KDM4C: variants seen among roughly 807,000 people sequenced by gnomAD.
KDM4C encodes lysine demethylase 4C, also known as lysine-specific demethylase 4C.
A neutral mutation model predicts 129.3 loss-of-function variants in KDM4C; 81 were observed. The ratio of observed to expected loss-of-function variants is 0.63; its 90% CI spans 0.52 to 0.75. The LOEUF is 0.75. Ranked by LOEUF, KDM4C falls within the 30% of genes least tolerant of loss-of-function variation. KDM4C has a pLI of 0.00. For synonymous variants in KDM4C, 573 were observed against 456.1 expected (o/e 1.26, Z -3.26); for missense variants, 1,457 against 1,304.0 (o/e 1.12, Z -1.81).
At chr9:6,821,108 T>G (rs1256690586) in intron 4 of KDM4C, among the ~76,000 whole-genome samples, 1 of 152,206 alleles carries the variant, frequency 6.6e-6, no homozygotes, top group Non-Finnish European at 1.5e-5. Flanking sequence ...ATTTTCTTAA[T>G]CCAGTCTATC....
chr9:6,959,256 G>A (rs1462206414), intron 8 of KDM4C, among the ~76,000 whole-genome samples: 1 of 152,218 alleles, frequency 6.6e-6, no homozygotes, highest in African/African-American at 2.4e-5. Flanking sequence ...GTCCCACCAT[G>A]TAGTCCCAGA....
chr9:7,006,437 G>T (rs994373961), intron 12 of KDM4C, among the ~76,000 whole-genome samples: 1 of 152,096 alleles, frequency 6.6e-6, no homozygotes, highest in Non-Finnish European at 1.5e-5. Flanking sequence ...CAGAAATCTA[G>T]CTATCCCTTT....
At chr9:7,011,269 T>TGTTA (rs1822639560) in intron 12 of KDM4C, among the ~76,000 whole-genome samples, 1 of 152,220 alleles carries the variant, frequency 6.6e-6, no homozygotes, top group African/African-American at 2.4e-5. Context: ...CCATGTACTA[T>TGTTA]GTTAGATGAA....
At chr9:7,129,746 G>T (rs905850648) in intron 19 of KDM4C, among the ~76,000 whole-genome samples, 2 of 152,092 alleles carry the variant, frequency 1.3e-5, no homozygotes, top group African/African-American at 4.8e-5. Context: ...ACCTGTTGGG[G>T]CTGGAAGAAT....
At chr9:6,827,547 G>A (rs1296572405) in intron 4 of KDM4C, among the ~76,000 whole-genome samples, 8 of 152,212 alleles carry the variant, frequency 5.3e-5, no homozygotes, top group Admixed American at 5.2e-4. Context: ...CCAGCAGATG[G>A]TGCTCTTGGA....
At chr9:6,806,502 T>A (rs377442472) in intron 3 of KDM4C, among the ~76,000 whole-genome samples, 1 of 113,530 alleles carries the variant, frequency 8.8e-6, no homozygotes, top group Admixed American at 8.1e-5. Context: ...CTCGAAAAAA[T>A]AAATAAATAA....
rs935434572 is a variant in KDM4C at position 7,080,493 on chromosome 9, A to G, written c.2425-23192A>G. 6.8e-4 allele frequency among the ~76,000 whole-genome samples: 104 copies of G among 152,208 alleles called. 1 individual carries two copies. The highest frequency in any genetic ancestry group is 2.5e-4 in the Non-Finnish European group (17 of 68,040). On this transcript the variant is annotated intron_variant, in intron 17 of 21. Transcript: ENST00000381309. ...CTGTTGATTGTTTCTCTTAGAATTC[A>G]GAAGTGAAATGCTTGATATGGGAAT...
intron 1 of KDM4C, among the ~76,000 whole-genome samples, chr9:6,791,485 C>G (rs1446911998): frequency 2.0e-5 from 3 of 152,182 alleles, no homozygotes; most frequent in Non-Finnish European, 4.4e-5. Flanking sequence ...CCCTTTCTGT[C>G]TCCATCGTCA....
chr9:7,026,073 G>A (rs1825763349), intron 15 of KDM4C, among the ~76,000 whole-genome samples: 1 of 151,978 alleles, frequency 6.6e-6, no homozygotes, highest in African/African-American at 2.4e-5. Flanking sequence ...GGGTGTTGTG[G>A]CGAGCACCTG....
chr9:6,839,454 G>A (rs991395095), intron 4 of KDM4C, among the ~76,000 whole-genome samples: 8 of 144,908 alleles, frequency 5.5e-5, no homozygotes, highest in African/African-American at 2.1e-4. Context: ...TACCCAGGCT[G>A]GTTTTAAAGT....
At chr9:7,042,650 A>C (rs1828783919) in intron 15 of KDM4C, among the ~76,000 whole-genome samples, 1 of 152,074 alleles carries the variant, frequency 6.6e-6, no homozygotes, top group African/African-American at 2.4e-5. Context: ...GTTTAAGTAC[A>C]TACAGGAACT....
intron 1 of KDM4C, among the ~76,000 whole-genome samples, chr9:6,744,109 G>T (rs1210313255): frequency 6.6e-6 from 1 of 151,532 alleles, no homozygotes; most frequent in African/African-American, 2.4e-5. Context: ...TTACCTCTAA[G>T]GGGTGGGGTG....
intron 20 of KDM4C, among the ~76,000 whole-genome samples, chr9:7,166,929 GC>G (rs1445162227): frequency 3.3e-5 from 5 of 152,124 alleles, no homozygotes; most frequent in Non-Finnish European, 5.9e-5. Flanking sequence ...AAGCCAAGTG[GC>G]CTTTTGAGAT....
At chr9:6,952,157 C>T (rs966932126) in intron 8 of KDM4C, among the ~76,000 whole-genome samples, 1 of 151,856 alleles carries the variant, frequency 6.6e-6, no homozygotes, top group Non-Finnish European at 1.5e-5. Flanking sequence ...CCCCCTACAA[C>T]CTGACATTTT....
intron 17 of KDM4C, among the ~76,000 whole-genome samples, chr9:7,055,515 T>C (rs190126762): frequency 6.6e-6 from 1 of 152,340 alleles, no homozygotes; most frequent in East Asian, 1.9e-4. Flanking sequence ...GAGACCATAC[T>C]ATTCTGCTTA....
intron 17 of KDM4C, among the ~76,000 whole-genome samples, chr9:7,050,521 G>A (rs1852458173): frequency 6.8e-6 from 1 of 147,262 alleles, no homozygotes; most frequent in Admixed American, 6.8e-5. Context: ...CCAAAAAAAA[G>A]TTGAACTACC....
intron 2 of KDM4C, among the ~76,000 whole-genome samples, chr9:6,800,716 T>G (rs903797533): frequency 6.6e-6 from 1 of 152,208 alleles, no homozygotes. Flanking sequence ...AGCCTTGTCC[T>G]CCCGGGCTCA....
At chr9:7,130,204 G>A (rs1455169715) in intron 19 of KDM4C, among the ~76,000 whole-genome samples, 1 of 152,168 alleles carries the variant, frequency 6.6e-6, no homozygotes, top group Non-Finnish European at 1.5e-5. Context: ...CTGTGGTGGT[G>A]GGATGAAAGA....
intron 5 of KDM4C, among the ~76,000 whole-genome samples, chr9:6,860,603 A>C (rs913619227): frequency 1.1e-4 from 16 of 152,206 alleles, no homozygotes; most frequent in Non-Finnish European, 2.4e-4. Flanking sequence ...ATATGCCTGC[A>C]ATCCTAAAAT....
Sources: allele counts gnomAD v4.1 joint callset (sites outside exome capture counted in the v4.1 genomes callset), GRCh38; gene constraint gnomAD v4.1.1; transcripts MANE v1.5; gene names NCBI Gene and HGNC (gene_info 2026-07-23, HGNC 2026-07-21).